Variants in HADHB observed in about 807,000 individuals in gnomAD.
HADHB encodes the protein trifunctional enzyme subunit beta, mitochondrial.
A neutral mutation model predicts 61.9 loss-of-function variants in HADHB; 50 were observed. The ratio of observed to expected loss-of-function variants is 0.81; its 90% CI spans 0.64 to 1.02. The LOEUF (loss-of-function observed/expected upper bound fraction) is 1.02, where lower values mean the gene tolerates loss of function less well. HADHB is among the 50% of genes least tolerant of loss of function. The pLI is 0.00. For missense variants in HADHB, 504 were observed against 586.5 expected, an observed-to-expected ratio of 0.86 and a Z score of 1.45; for synonymous variants, 191 against 201.6, an observed-to-expected ratio of 0.95 and a Z score of 0.45.
In HADHB at chr2:26,248,114, T is replaced by A. The variant is rs1171822872; in HGVS notation, c.-9+3124T>A. Among the ~76,000 whole-genome samples the A allele has an allele frequency of 2.6e-5, 4 of 152,352 alleles. No homozygotes were observed. The East Asian group carries it at 5.8e-4, about 22-fold the overall frequency. On this transcript the variant is annotated intron_variant, in intron 1 of 15. Coordinates refer to ENST00000317799, the MANE Select transcript of HADHB (RefSeq NM_000183.3). ...TAGGGTTTACTTACCCATTTCCCTATTTTCCAGTTATTCTAATCTATTATT... is the reference window on the plus strand; with the variant it reads ...TAGGGTTTACTTACCCATTTCCCTAATTTCCAGTTATTCTAATCTATTATT...
intron 10 of HADHB, 71 bp downstream of exon 10, chr2:26,280,186 A>G: frequency 7.8e-7 from 1 of 1,277,054 alleles, no homozygotes; most frequent in South Asian, 1.2e-5. Flanking sequence ...AAAGCCTAAT[A>G]TAACTTTTTG....
intron 15 of HADHB, among the ~76,000 whole-genome samples, chr2:26,287,728 A>T (rs1174168381): frequency 6.6e-6 from 1 of 152,182 alleles, no homozygotes; most frequent in Non-Finnish European, 1.5e-5. Flanking sequence ...ATCGTGGTGA[A>T]TCTAGAGCAG....
chr2:26,280,003 C>T lies in HADHB; in HGVS notation c.821C>T (p.Thr274Ile). Reference sequence around the variant, plus strand: ...TTCATTTTTTTAATAGGAAAAGATACAGTTACCAAAGATAATGGCATCCGT... The same window carrying T: ...TTCATTTTTTTAATAGGAAAAGATATAGTTACCAAAGATAATGGCATCCGT... The part of the protein sequence containing the change: ...VVPFKVPGKD[T>I]VTKDNGIRPS... The change falls in exon 10 of 16, where the codon ACA becomes ATA. Residue 274 changes from threonine (T) to isoleucine (I), a missense_variant. By Grantham distance (89) the Thr-to-Ile change is moderately conservative. Transcript: ENST00000317799. 6.2e-7 allele frequency: 1 copy of T among 1,607,836 alleles called. No homozygotes were observed. Among genetic ancestry groups the T allele is most frequent in the Non-Finnish European group, 8.5e-7 (1 of 1,175,946 alleles).
chr2:26,246,963 TGTGCGC>T (rs1019600825), intron 1 of HADHB, among the ~76,000 whole-genome samples: 1 of 152,222 alleles, frequency 6.6e-6, no homozygotes, highest in Non-Finnish European at 1.5e-5. Flanking sequence ...CGTGTGTGTG[TGTGCGC>T]GTGCGCGTCC....
intron 3 of HADHB, among the ~76,000 whole-genome samples, chr2:26,260,124 C>G (rs1671800173): frequency 6.7e-6 from 1 of 150,028 alleles, no homozygotes; most frequent in African/African-American, 2.5e-5. Context: ...CTCTGTCACC[C>G]AGGCTGGAGT....
intron 5 of HADHB, among the ~76,000 whole-genome samples, chr2:26,271,977 T>C (rs1306998495): frequency 1.3e-5 from 2 of 152,210 alleles, no homozygotes; most frequent in South Asian, 2.1e-4. Flanking sequence ...TGGAGTGCAG[T>C]TGCTTGATCA....
At chr2:26,265,000 AAAAAG>A (rs1672018432) in intron 4 of HADHB, among the ~76,000 whole-genome samples, 1 of 149,998 alleles carries the variant, frequency 6.7e-6, no homozygotes, top group African/African-American at 2.5e-5. Context: ...AAAAAAAAAA[AAAAAG>A]AAGAAGAAGT....
At chr2:26,280,530 G>T (rs1259364900) in intron 10 of HADHB, among the ~76,000 whole-genome samples, 3 of 152,150 alleles carry the variant, frequency 2.0e-5, no homozygotes, top group Non-Finnish European at 4.4e-5. Context: ...CTTGAAGGAA[G>T]AGTAAAAGCC....
intron 3 of HADHB, chr2:26,261,211 T>C (rs1298223621): frequency 1.0e-5 from 3 of 300,430 alleles, no homozygotes; most frequent in Admixed American, 5.5e-5. Flanking sequence ...ACACAACAAA[T>C]ACCCCCCCCC....
chr2:26,264,553 C>CAA (rs34189488), intron 4 of HADHB, among the ~76,000 whole-genome samples: 1,426 of 73,354 alleles, frequency 0.019, 98 homozygotes, highest in African/African-American at 0.032. Flanking sequence ...GACTCCATCT[C>CAA]AAAAAAAAAA....
intron 15 of HADHB, among the ~76,000 whole-genome samples, chr2:26,288,041 T>C (rs567719126): frequency 6.6e-6 from 1 of 152,140 alleles, no homozygotes; most frequent in Admixed American, 6.5e-5. Flanking sequence ...CTAAGGCAGC[T>C]GGGTGGCTTG....
rs555654193 is a variant in HADHB at position 26,272,942 on chromosome 2, G to T, written c.255-709G>T. 4.6e-5 allele frequency among the ~76,000 whole-genome samples: 7 copies of T among 152,036 alleles called. No homozygotes were observed. In the East Asian group the frequency reaches 1.4e-3, roughly 30 times the overall value. ...TACTAAAAATACAAAAATAAGCCAG[G>T]CATCATGGCAGGCGCTTGTAGCCCC... On this transcript the variant is annotated intron_variant, in intron 5 of 15. Transcript: ENST00000317799.
At chr2:26,267,828 C>T (rs1672159879) in intron 4 of HADHB, among the ~76,000 whole-genome samples, 1 of 148,794 alleles carries the variant, frequency 6.7e-6, no homozygotes, top group African/African-American at 2.5e-5. Context: ...GTCTTCCTTA[C>T]AGAAGAATTT....
intron 1 of HADHB, among the ~76,000 whole-genome samples, chr2:26,250,914 T>C (rs1203366474): frequency 2.6e-5 from 4 of 151,334 alleles, no homozygotes; most frequent in Non-Finnish European, 5.9e-5. Flanking sequence ...ATTTAAAATA[T>C]ATACATTTAA....
chr2:26,267,781 A>G (rs559766177), intron 4 of HADHB, among the ~76,000 whole-genome samples: 4 of 151,978 alleles, frequency 2.6e-5, no homozygotes, highest in Admixed American at 1.3e-4. Flanking sequence ...CAAAAAAAAA[A>G]AAAAAAAAGA....
chr2:26,255,408 G>A (rs1346070648), intron 3 of HADHB, among the ~76,000 whole-genome samples: 2 of 151,326 alleles, frequency 1.3e-5, no homozygotes, highest in East Asian at 1.9e-4. Flanking sequence ...GCTGAGACAC[G>A]AGAATCTTTG....
chr2:26,290,213 T>C lies in HADHB; in HGVS notation c.*260T>C. On this transcript the variant is annotated 3_prime_UTR_variant, in exon 16 of 16. Transcript: ENST00000317799. ...GGGTGGTTGTTTTTGGTCTCTGTTG[T>C]CACTAAAGACTAAATGAGGGTTTGC... 1.9e-6 allele frequency: 1 copy of C among 531,362 alleles called. No individual in the cohort carries two copies. Among genetic ancestry groups the C allele is most frequent in the South Asian group, 2.1e-5 (1 of 47,542 alleles). 32.9% of individuals were successfully genotyped at this position (531,362 alleles called of 1,614,324 possible). A position where few individuals can be genotyped will look rare whatever the true frequency, so the allele number is the denominator to read the frequency against.
chr2:26,245,257 T>C lies in HADHB; in HGVS notation c.-9+267T>C, dbSNP rs1671084714. 3.0e-5 allele frequency: 5 copies of C among 169,368 alleles called. No individual in the cohort carries two copies. The South Asian group carries it at 6.0e-4, about 20-fold the overall frequency. 10.5% of individuals were successfully genotyped at this position (169,368 alleles called of 1,614,324 possible). On this transcript the variant is annotated intron_variant, in intron 1 of 15. Coordinates refer to ENST00000317799, the MANE Select transcript of HADHB (RefSeq NM_000183.3). Reference sequence around the variant, plus strand: ...ATCACAAGTTAACGAAGTCTGGGGGTGTGGGGGTGTGTGTGTGTGTGTGGG... The same window carrying C: ...ATCACAAGTTAACGAAGTCTGGGGGCGTGGGGGTGTGTGTGTGTGTGTGGG...
At chr2:26,253,006 G>A (rs1671463262) in intron 1 of HADHB, among the ~76,000 whole-genome samples, 1 of 152,200 alleles carries the variant, frequency 6.6e-6, no homozygotes, top group Admixed American at 6.5e-5. Context: ...TACTTTGAGA[G>A]ACAATTATAT....
Sources: gnomAD v4.1 joint callset for allele counts (sites outside exome capture counted in the v4.1 genomes callset) on GRCh38, gnomAD v4.1.1 for gene constraint, MANE v1.5 for transcripts, NCBI Gene and HGNC (gene_info 2026-07-23, HGNC 2026-07-21) for gene names.